Variants in SLC35F1 observed in about 807,000 individuals in gnomAD.
SLC35F1 encodes solute carrier family 35 member F1, also known as chromosome 6 open reading frame 169.
A neutral mutation model predicts 48.7 loss-of-function variants in SLC35F1; 14 were observed. The ratio of observed to expected loss-of-function variants is 0.29; its 90% CI spans 0.19 to 0.45. SLC35F1 has a LOEUF of 0.45. SLC35F1 is among the 20% of genes least tolerant of loss of function. SLC35F1 has a pLI of 1.00. For synonymous variants in SLC35F1, 190 were observed against 202.2 expected, an observed-to-expected ratio of 0.94 and a Z score of 0.51; for missense variants, 404 against 500.0, an observed-to-expected ratio of 0.81 and a Z score of 1.83.
intron 1 of SLC35F1, among the ~76,000 whole-genome samples, chr6:117,975,126 A>T (rs1256658824): frequency 6.6e-6 from 1 of 152,224 alleles, no homozygotes; most frequent in Non-Finnish European, 1.5e-5. Flanking sequence ...ATCAGCACTA[A>T]TGAGCTGAAC....
chr6:118,241,613 G>A (rs1000330659), intron 3 of SLC35F1, among the ~76,000 whole-genome samples: 1 of 150,826 alleles, frequency 6.6e-6, no homozygotes, highest in Non-Finnish European at 1.5e-5. Context: ...GTGTGTCTGT[G>A]TAGTTCTATG....
At chr6:118,271,054 T>G (rs553423630) in intron 4 of SLC35F1, among the ~76,000 whole-genome samples, 1 of 152,326 alleles carries the variant, frequency 6.6e-6, no homozygotes, top group South Asian at 2.1e-4. Context: ...CTTTTACATT[T>G]ATTTCAAGGA....
chr6:118,124,546 C>T (rs930530152), intron 1 of SLC35F1, among the ~76,000 whole-genome samples: 2 of 152,092 alleles, frequency 1.3e-5, no homozygotes, highest in African/African-American at 4.8e-5. Context: ...AAGAAGAGGA[C>T]CCAAGATCTC....
chr6:118,266,602 C>T lies in SLC35F1; in HGVS notation c.478-393C>T, dbSNP rs190608326. On this transcript the variant is annotated intron_variant, in intron 3 of 7. Transcript: ENST00000360388. ...CTCATCTCCCATTCCCGGATCTACT[C>T]GTAAAATAGGGGGACAATGTAAAAA... 8.7e-3 allele frequency among the ~76,000 whole-genome samples: 1,328 copies of T among 152,160 alleles called. 6 individuals are homozygous for T. Among genetic ancestry groups the T allele is most frequent in the South Asian group, 0.012 (58 of 4,812 alleles).
In SLC35F1 at chr6:118,152,885, G is replaced by C. The variant is rs536801532; in HGVS notation, c.174-1560G>C. ...TGCATTCTGTGGGGAACTATTGTAA[G>C]ATTTTAAGCAGCATACTGACATTTT... On this transcript the variant is annotated intron_variant, in intron 1 of 7. Transcript: ENST00000360388. 5.9e-5 allele frequency among the ~76,000 whole-genome samples: 9 copies of C among 152,306 alleles called. No homozygotes were observed. In the South Asian group the frequency reaches 1.9e-3, roughly 32 times the overall value.
chr6:117,912,587 G>A (rs1056007350), intron 1 of SLC35F1, among the ~76,000 whole-genome samples: 2 of 152,216 alleles, frequency 1.3e-5, no homozygotes, highest in Non-Finnish European at 2.9e-5. Context: ...AAAATGAAAA[G>A]AGGAAGATCA....
intron 7 of SLC35F1, among the ~76,000 whole-genome samples, chr6:118,288,903 G>A (rs969209859): frequency 5.9e-5 from 9 of 152,020 alleles, no homozygotes; most frequent in Admixed American, 3.9e-4. Context: ...CCCACAAAAC[G>A]GTAGTACAAT....
intron 1 of SLC35F1, among the ~76,000 whole-genome samples, chr6:117,937,190 C>T (rs1317962612): frequency 6.6e-6 from 1 of 152,136 alleles, no homozygotes; most frequent in Non-Finnish European, 1.5e-5. Context: ...CTCTTCGACT[C>T]CAAATTTCTT....
intron 7 of SLC35F1, among the ~76,000 whole-genome samples, chr6:118,311,327 A>G (rs1041547335): frequency 1.3e-5 from 2 of 152,202 alleles, no homozygotes; most frequent in African/African-American, 2.4e-5. Context: ...CCACTGGTAC[A>G]GGCTGATTTT....
At chr6:118,004,087 T>G (rs1777142569) in intron 1 of SLC35F1, among the ~76,000 whole-genome samples, 1 of 152,238 alleles carries the variant, frequency 6.6e-6, no homozygotes, top group African/African-American at 2.4e-5. Flanking sequence ...AGTCTTTGTA[T>G]GGAGGTCCTG....
At chr6:117,959,212 C>T (rs952140055) in intron 1 of SLC35F1, among the ~76,000 whole-genome samples, 10 of 152,146 alleles carry the variant, frequency 6.6e-5, no homozygotes, top group African/African-American at 2.4e-4. Flanking sequence ...GAACACTACA[C>T]GAGTGTCCAT....
At chr6:117,993,944 G>A (rs536444640) in intron 1 of SLC35F1, among the ~76,000 whole-genome samples, 10 of 152,288 alleles carry the variant, frequency 6.6e-5, no homozygotes, top group Admixed American at 2.0e-4. Context: ...TTATTTCACG[G>A]TTCTTCAGGT....
chr6:118,075,307 G>T (rs1156862387), intron 1 of SLC35F1, among the ~76,000 whole-genome samples: 1 of 152,176 alleles, frequency 6.6e-6, no homozygotes, highest in Non-Finnish European at 1.5e-5. Context: ...CATTAATGAT[G>T]ATACAGTAAG....
chr6:118,182,557 A>AAGGAAGGAAGGAAGGG (rs1774596985), intron 2 of SLC35F1, among the ~76,000 whole-genome samples: 1 of 149,912 alleles, frequency 6.7e-6, no homozygotes, highest in African/African-American at 2.5e-5. Flanking sequence ...GGAAGGAAGG[A>AAGGAAGGAAGGAAGGG]AGGAAGAAAA....
chr6:118,124,064 A>T (rs996234673), intron 1 of SLC35F1, among the ~76,000 whole-genome samples: 1 of 152,150 alleles, frequency 6.6e-6, no homozygotes, highest in Admixed American at 6.6e-5. Context: ...CTCTTGAGAC[A>T]CTCATAGTCT....
intron 1 of SLC35F1, among the ~76,000 whole-genome samples, chr6:118,019,299 CA>C (rs985839638): frequency 1.4e-4 from 21 of 151,678 alleles, no homozygotes; most frequent in Admixed American, 1.2e-3. Flanking sequence ...TTTTCAGAGC[CA>C]AAAAATGAAG....
intron 2 of SLC35F1, among the ~76,000 whole-genome samples, chr6:118,212,852 T>C (rs1028767548): frequency 2.0e-5 from 3 of 151,978 alleles, no homozygotes; most frequent in Non-Finnish European, 4.4e-5. Context: ...TTTAGGACAA[T>C]AATTTATCTA....
At chr6:118,090,013 C>A (rs1773050055) in intron 1 of SLC35F1, among the ~76,000 whole-genome samples, 1 of 152,214 alleles carries the variant, frequency 6.6e-6, no homozygotes, top group African/African-American at 2.4e-5. Context: ...TGTCTAGATT[C>A]TGCATGCCTT....
chr6:117,980,811 G>A (rs1442873327), intron 1 of SLC35F1, among the ~76,000 whole-genome samples: 1 of 152,182 alleles, frequency 6.6e-6, no homozygotes, highest in Non-Finnish European at 1.5e-5. Context: ...GTTAAATCTT[G>A]ATGAAAGTGG....
Sources: allele counts gnomAD v4.1 joint callset (sites outside exome capture counted in the v4.1 genomes callset), GRCh38; gene constraint gnomAD v4.1.1; transcripts MANE v1.5; gene names NCBI Gene and HGNC (gene_info 2026-07-23, HGNC 2026-07-21).